Variants in CYFIP2 observed in about 807,000 individuals in gnomAD.
The protein encoded by CYFIP2 is cytoplasmic FMR1-interacting protein 2.
In CYFIP2, 29 loss-of-function variants were observed where a neutral mutation model predicts 158.7. The ratio of observed to expected loss-of-function variants is 0.18; its 90% CI spans 0.14 to 0.25. The LOEUF is 0.25. Among genes scored for constraint, CYFIP2 ranks in the 10% least tolerant of loss-of-function variants. CYFIP2 has a pLI of 1.00. For synonymous variants in CYFIP2, 585 were observed against 617.6 expected (o/e 0.95, Z 0.78); for missense variants, 852 against 1,639.5 (o/e 0.52, Z 8.29).
At chr5:157,323,065 C>A in intron 15 of CYFIP2, 1 of 1,509,938 alleles carries the variant, frequency 6.6e-7, no homozygotes, top group Non-Finnish European at 8.9e-7. Flanking sequence ...CTCGAGGAGG[C>A]AGCAGGAATG....
chr5:157,300,370 A>C (rs188028619), intron 5 of CYFIP2, among the ~76,000 whole-genome samples: 2 of 151,992 alleles, frequency 1.3e-5, no homozygotes, highest in East Asian at 3.9e-4. Flanking sequence ...CCCCGTCTCT[A>C]CTAAAAATAG....
At chr5:157,324,696 T>C (rs1224705623) in intron 16 of CYFIP2, 1 of 152,000 alleles carries the variant, frequency 6.6e-6, no homozygotes, top group Non-Finnish European at 1.5e-5. Flanking sequence ...CACAATCCAG[T>C]TGAAAGTGGG....
chr5:157,350,348 C>G (rs1762982037), intron 23 of CYFIP2, among the ~76,000 whole-genome samples: 1 of 152,146 alleles, frequency 6.6e-6, no homozygotes, highest in South Asian at 2.1e-4. Flanking sequence ...TGTGGCTTGC[C>G]AATTATCCCA....
chr5:157,356,258 G>A (rs1036448281), intron 23 of CYFIP2, among the ~76,000 whole-genome samples: 3 of 152,114 alleles, frequency 2.0e-5, no homozygotes, highest in African/African-American at 7.2e-5. Flanking sequence ...ATGGCATAGA[G>A]GAGAGAGAGA....
intron 1 of CYFIP2, among the ~76,000 whole-genome samples, chr5:157,273,076 G>A (rs1402634374): frequency 6.6e-6 from 1 of 152,118 alleles, no homozygotes; most frequent in African/African-American, 2.4e-5. Context: ...ATGTTGGTCA[G>A]GCTGGTCTTG....
At chr5:157,280,005 A>G (rs1015628981) in intron 1 of CYFIP2, among the ~76,000 whole-genome samples, 1 of 152,224 alleles carries the variant, frequency 6.6e-6, no homozygotes. Flanking sequence ...TGAATGATCT[A>G]CCAATGCTCA....
chr5:157,271,732 G>C (rs1173278182), intron 1 of CYFIP2, among the ~76,000 whole-genome samples: 1 of 152,104 alleles, frequency 6.6e-6, no homozygotes, highest in East Asian at 1.9e-4. Context: ...ATGTGATTTG[G>C]GGGCCTTTGT....
At chr5:157,303,080 C>A in intron 7 of CYFIP2, 190 bp downstream of exon 7, 1 of 548,976 alleles carries the variant, frequency 1.8e-6, no homozygotes, top group South Asian at 2.3e-5. Flanking sequence ...GCCGATTCAC[C>A]CTCTCCAGTT....
chr5:157,315,164 T>C, intron 13 of CYFIP2, 70 bp downstream of exon 13: 1 of 1,567,560 alleles, frequency 6.4e-7, no homozygotes, highest in Non-Finnish European at 8.7e-7. Flanking sequence ...TGAGTAGTTC[T>C]GAGCAAGAAA....
At chr5:157,347,894 G>A (rs1023997041) in intron 23 of CYFIP2, among the ~76,000 whole-genome samples, 1 of 152,240 alleles carries the variant, frequency 6.6e-6, no homozygotes, top group Admixed American at 6.5e-5. Flanking sequence ...CCCCAGACTC[G>A]GAGGCGGAGG....
chr5:157,286,552 G>GTGTGTA lies in CYFIP2; in HGVS notation c.118-466_118-465insGTGTAT, dbSNP rs762316044. Among the ~76,000 whole-genome samples, 261 of 138,122 alleles carry GTGTGTA rather than the reference G, an allele frequency of 1.9e-3. 2 individuals carry two copies. The highest frequency in any genetic ancestry group is 5.8e-3 in the African/African-American group (215 of 36,802). 90.6% of individuals were successfully genotyped at this position (138,122 alleles called of 152,430 possible). On this transcript the variant is annotated intron_variant, in intron 2 of 30. Transcript: ENST00000620254. ...TCCATTTATGGATATGCTATTTTAT[G>GTGTGTA]TATATATATATATATATATATATAT...
intron 3 of CYFIP2, among the ~76,000 whole-genome samples, chr5:157,293,533 A>ACATG (rs1237752860): frequency 1.3e-5 from 2 of 152,204 alleles, no homozygotes; most frequent in African/African-American, 4.8e-5. Flanking sequence ...ATGAGATAGT[A>ACATG]CATGGGCTGT....
chr5:157,325,884 G>T (rs1171569590), intron 17 of CYFIP2: 3 of 542,076 alleles, frequency 5.5e-6, no homozygotes, highest in Middle Eastern at 9.5e-4. Flanking sequence ...GCTCAGAAAA[G>T]AATCATCTCA....
chr5:157,298,932 T>C (rs1758479255), intron 5 of CYFIP2, among the ~76,000 whole-genome samples: 1 of 152,220 alleles, frequency 6.6e-6, no homozygotes, highest in African/African-American at 2.4e-5. Context: ...TACCATTCCA[T>C]TGTATGGATA....
intron 28 of CYFIP2, 50 bp downstream of exon 28, chr5:157,383,409 G>C: frequency 6.5e-7 from 1 of 1,546,270 alleles, no homozygotes; most frequent in Non-Finnish European, 8.9e-7. Flanking sequence ...AGGAACTTGA[G>C]AGCATTTGAC....
intron 13 of CYFIP2, among the ~76,000 whole-genome samples, chr5:157,316,827 A>G (rs1256398521): frequency 1.3e-5 from 2 of 152,224 alleles, no homozygotes; most frequent in Non-Finnish European, 2.9e-5. Context: ...AAAGGGCCAT[A>G]CAAATGTAAG....
intron 19 of CYFIP2, among the ~76,000 whole-genome samples, chr5:157,329,848 G>C (rs188525051): frequency 6.6e-6 from 1 of 152,198 alleles, no homozygotes; most frequent in Non-Finnish European, 1.5e-5. Context: ...TCTTTCTTGC[G>C]TAAAACCTTT....
chr5:157,330,315 A>G (rs2113170932), intron 19 of CYFIP2, among the ~76,000 whole-genome samples: 1 of 151,586 alleles, frequency 6.6e-6, no homozygotes, highest in South Asian at 2.1e-4. Flanking sequence ...GAAATAATAA[A>G]CACTATGCAA....
At chr5:157,341,194 T>A (rs1762224499) in intron 23 of CYFIP2, 37 bp downstream of exon 23, 3 of 1,587,568 alleles carry the variant, frequency 1.9e-6, no homozygotes, top group Non-Finnish European at 2.6e-6. Flanking sequence ...AGAAGAGGGT[T>A]GGTGAGAAAA....
Sources: gnomAD v4.1 joint callset for allele counts (sites outside exome capture counted in the v4.1 genomes callset) on GRCh38, gnomAD v4.1.1 for gene constraint, MANE v1.5 for transcripts, NCBI Gene and HGNC (gene_info 2026-07-23, HGNC 2026-07-21) for gene names.